The following PRXL2A variants were observed in gnomAD, a reference collection of about 807,000 sequenced individuals.
The protein encoded by PRXL2A is peroxiredoxin like 2A, also known as peroxiredoxin-like 2A.
Under a neutral mutation model 25.6 loss-of-function variants are expected in PRXL2A, and 26 were observed. The observed-to-expected ratio is 1.02, with a 90% CI of 0.74 to 1.41. PRXL2A has a LOEUF of 1.41. Ranked by LOEUF, PRXL2A falls within the 40% of genes most tolerant of loss-of-function variation. The pLI is 0.00. For synonymous variants in PRXL2A, 98 were observed against 102.9 expected, an observed-to-expected ratio of 0.95 and a Z score of 0.29; for missense variants, 246 against 273.9, an observed-to-expected ratio of 0.90 and a Z score of 0.72.
At chr10:80,410,945 G>C (rs1844460401) in intron 1 of PRXL2A, among the ~76,000 whole-genome samples, 1 of 152,226 alleles carries the variant, frequency 6.6e-6, no homozygotes. Flanking sequence ...TGAGGAATGT[G>C]GGGGCTGGTG....
intron 1 of PRXL2A, chr10:80,420,124 A>T: frequency 1.0e-6 from 1 of 999,928 alleles, no homozygotes. Context: ...CCTACAGGGG[A>T]CATAGCTCGG....
intron 3 of PRXL2A, among the ~76,000 whole-genome samples, chr10:80,422,762 C>T (rs1434547780): frequency 6.6e-6 from 1 of 151,848 alleles, no homozygotes; most frequent in Non-Finnish European, 1.5e-5. Flanking sequence ...CTGTGCTGTA[C>T]CTTCTGAGTC....
In PRXL2A at chr10:80,409,062, G is replaced by T; in HGVS notation, c.-3+419G>T. On this transcript the variant is annotated intron_variant, in intron 1 of 5. Transcript: ENST00000606162. ...GCCCGGGGGCCGCCCTGCTGGACCA[G>T]CCCCAGGTGCGGACCTGGCAGTCCT... 3 of 985,430 alleles carry T rather than the reference G, an allele frequency of 3.0e-6. No individual in the cohort carries two copies. In the South Asian group the frequency reaches 1.4e-4, roughly 46 times the overall value. 61.0% of individuals were successfully genotyped at this position (985,430 alleles called of 1,614,324 possible).
intron 1 of PRXL2A, among the ~76,000 whole-genome samples, chr10:80,419,672 CA>C (rs1844793543): frequency 6.6e-6 from 1 of 152,112 alleles, no homozygotes; most frequent in Non-Finnish European, 1.5e-5. Context: ...GTTCTGTTCA[CA>C]GGAGAAAAAA....
At chr10:80,425,370 TCTAA>T (rs1845007266) in intron 3 of PRXL2A, among the ~76,000 whole-genome samples, 1 of 152,234 alleles carries the variant, frequency 6.6e-6, no homozygotes, top group African/African-American at 2.4e-5. Flanking sequence ...AGACATAGTT[TCTAA>T]CTATTAGAAA....
In PRXL2A at chr10:80,426,064, GAT is replaced by G. The variant is rs1845035078; in HGVS notation, c.411+60_411+61del. On this transcript the variant is annotated intron_variant, in intron 4 of 5. Coordinates refer to ENST00000606162, the MANE Select transcript of PRXL2A (RefSeq NM_032333.5). ...TGCTGGGGATTGTGCTCAGCTGTGTGATAGTCAGGTGGCCCAGGTATGTCTGG... is the reference window on the plus strand; with the variant it reads ...TGCTGGGGATTGTGCTCAGCTGTGTGAGTCAGGTGGCCCAGGTATGTCTGG... The G allele has an allele frequency of 1.7e-5, 28 of 1,604,410 alleles. No individual in the cohort carries two copies. In the South Asian group the frequency reaches 3.1e-4, roughly 18 times the overall value.
intron 2 of PRXL2A, 136 bp from the exon 3 acceptor site, chr10:80,422,281 A>T: frequency 1.7e-6 from 1 of 603,292 alleles, no homozygotes; most frequent in Middle Eastern, 3.3e-4. Context: ...GTCTTTTCCC[A>T]CGTGTGAAAT....
chr10:80,417,647 TC>T (rs1844708194), intron 1 of PRXL2A, among the ~76,000 whole-genome samples: 1 of 152,142 alleles, frequency 6.6e-6, no homozygotes, highest in African/African-American at 2.4e-5. Context: ...CCCTTCTTTT[TC>T]CGCTTCCCAA....
intron 1 of PRXL2A, among the ~76,000 whole-genome samples, chr10:80,416,561 T>G (rs1022952023): frequency 5.9e-5 from 9 of 152,226 alleles, no homozygotes; most frequent in South Asian, 2.1e-4. Flanking sequence ...CTCTGAGTTG[T>G]GAAGCACAGA....
intron 1 of PRXL2A, among the ~76,000 whole-genome samples, chr10:80,410,869 C>A (rs1589549289): frequency 6.6e-6 from 1 of 152,120 alleles, no homozygotes; most frequent in African/African-American, 2.4e-5. Flanking sequence ...GGGTGGGGGG[C>A]CCTACAGCTT....
At chr10:80,424,943 C>G (rs1392123756) in intron 3 of PRXL2A, among the ~76,000 whole-genome samples, 1 of 152,150 alleles carries the variant, frequency 6.6e-6, no homozygotes, top group African/African-American at 2.4e-5. Context: ...GTCCTCTGCT[C>G]TAGGGCAAAA....
intron 1 of PRXL2A, chr10:80,409,164 G>C: frequency 1.4e-6 from 1 of 738,806 alleles, no homozygotes; most frequent in Non-Finnish European, 1.7e-6. Context: ...GCGTTTCGGA[G>C]GCACCTGTTC....
At chr10:80,427,104 T>C (rs1845065477) in intron 4 of PRXL2A, among the ~76,000 whole-genome samples, 1 of 149,346 alleles carries the variant, frequency 6.7e-6, no homozygotes, top group South Asian at 2.1e-4. Flanking sequence ...GATCGCGCCG[T>C]TGTACTCTAG....
At chr10:80,421,928 G>T (rs1055583251) in intron 2 of PRXL2A, among the ~76,000 whole-genome samples, 7 of 152,180 alleles carry the variant, frequency 4.6e-5, no homozygotes, top group African/African-American at 1.7e-4. Flanking sequence ...TTAGAGCTGG[G>T]CTTGTTGAAC....
rs147377883 is a variant in PRXL2A, at chr10:80,423,142, G to C, written c.270+634G>C. Among the ~76,000 whole-genome samples, 45 of 152,300 alleles carry C rather than the reference G, an allele frequency of 3.0e-4. 1 individual carries two copies. The highest frequency in any genetic ancestry group is 1.0e-3 in the African/African-American group (43 of 41,556). ...GAAAGTTGGAGCTCACTGACTGGGTGGTCTCCAGGTTGGCCCCTCGAAGGG... is the reference window on the plus strand; with the variant it reads ...GAAAGTTGGAGCTCACTGACTGGGTCGTCTCCAGGTTGGCCCCTCGAAGGG... On this transcript the variant is annotated intron_variant, in intron 3 of 5. Coordinates refer to ENST00000606162, the MANE Select transcript of PRXL2A (RefSeq NM_032333.5).
chr10:80,409,107 G>A (rs1216177179), intron 1 of PRXL2A: 12 of 982,836 alleles, frequency 1.2e-5, no homozygotes, highest in Non-Finnish European at 8.5e-6. Flanking sequence ...CTCTGTGCCC[G>A]CTTAGGGTCG....
At chr10:80,416,750 A>G (rs145753816) in intron 1 of PRXL2A, among the ~76,000 whole-genome samples, 2 of 152,310 alleles carry the variant, frequency 1.3e-5, no homozygotes, top group East Asian at 1.9e-4. Flanking sequence ...CTCTAACACA[A>G]TGCTTCTCAA....
At chr10:80,424,949 C>T (rs933756958) in intron 3 of PRXL2A, among the ~76,000 whole-genome samples, 1 of 152,158 alleles carries the variant, frequency 6.6e-6, no homozygotes, top group Non-Finnish European at 1.5e-5. Flanking sequence ...TGCTCTAGGG[C>T]AAAATTTGCC....
intron 5 of PRXL2A, among the ~76,000 whole-genome samples, chr10:80,429,220 T>C (rs182642056): frequency 1.3e-5 from 2 of 152,334 alleles, no homozygotes; most frequent in Non-Finnish European, 2.9e-5. Flanking sequence ...CTTGACTATA[T>C]TAGAATTTAG....
Sources: gnomAD v4.1 joint callset for allele counts (sites outside exome capture counted in the v4.1 genomes callset) on GRCh38, gnomAD v4.1.1 for gene constraint, MANE v1.5 for transcripts, NCBI Gene and HGNC (gene_info 2026-07-23, HGNC 2026-07-21) for gene names.